The following PLPP4 variants were observed in gnomAD, a reference collection of about 807,000 sequenced individuals.
The protein encoded by PLPP4 is phospholipid phosphatase 4, also known as diacylglycerol pyrophosphate like 2.
In PLPP4, 20 loss-of-function variants were observed where a neutral mutation model predicts 32.2. That is an observed-to-expected ratio of 0.62 (90% CI 0.44 to 0.90). The LOEUF is 0.90. PLPP4 is among the 40% of genes least tolerant of loss of function. PLPP4 has a pLI of 0.00. For missense variants in PLPP4, 257 were observed against 353.1 expected, an observed-to-expected ratio of 0.73 and a Z score of 2.18; for synonymous variants, 127 against 133.0, an observed-to-expected ratio of 0.95 and a Z score of 0.31.
At chr10:120,491,831 CCAA>C (rs1384739525) in intron 1 of PLPP4, among the ~76,000 whole-genome samples, 1 of 135,702 alleles carries the variant, frequency 7.4e-6, no homozygotes, top group East Asian at 2.0e-4. Context: ...ACAACAAAAC[CCAA>C]CAACAACAAA....
chr10:120,572,309 A>G (rs1848981036), intron 5 of PLPP4, among the ~76,000 whole-genome samples: 1 of 152,268 alleles, frequency 6.6e-6, no homozygotes, highest in African/African-American at 2.4e-5. Context: ...CATTTGCCCA[A>G]CAGTGGAGGG....
intron 5 of PLPP4, among the ~76,000 whole-genome samples, chr10:120,537,169 T>C (rs1006063891): frequency 3.9e-5 from 6 of 152,154 alleles, no homozygotes; most frequent in Admixed American, 2.0e-4. Flanking sequence ...TACCGTATGA[T>C]CAAGCAATCT....
intron 2 of PLPP4, among the ~76,000 whole-genome samples, chr10:120,508,151 C>G (rs1845582458): frequency 6.6e-6 from 1 of 152,090 alleles, no homozygotes; most frequent in African/African-American, 2.4e-5. Flanking sequence ...GGATAGGATG[C>G]TTCTAAGGAA....
intron 5 of PLPP4, among the ~76,000 whole-genome samples, chr10:120,556,234 C>T (rs372300708): frequency 6.6e-6 from 1 of 152,196 alleles, no homozygotes; most frequent in African/African-American, 2.4e-5. Flanking sequence ...CTGGAAGTAA[C>T]TTTTGATCAC....
intron 5 of PLPP4, among the ~76,000 whole-genome samples, chr10:120,536,483 AC>A (rs1847024466): frequency 6.6e-6 from 1 of 152,074 alleles, no homozygotes; most frequent in African/African-American, 2.4e-5. Context: ...TTGGATATCC[AC>A]GTGCAAAAAC....
At chr10:120,566,447 T>A (rs1848694232) in intron 5 of PLPP4, among the ~76,000 whole-genome samples, 1 of 152,160 alleles carries the variant, frequency 6.6e-6, no homozygotes, top group Non-Finnish European at 1.5e-5. Context: ...AGAGTTGGCT[T>A]GTAGTTCTAA....
chr10:120,511,728 A>G (rs1030049830), intron 2 of PLPP4, among the ~76,000 whole-genome samples: 2 of 152,218 alleles, frequency 1.3e-5, no homozygotes, highest in African/African-American at 4.8e-5. Context: ...TAAGCACTAA[A>G]TGCATGAGAC....
chr10:120,580,218 T>C (rs1305919175), intron 6 of PLPP4, among the ~76,000 whole-genome samples: 2 of 150,256 alleles, frequency 1.3e-5, no homozygotes, highest in African/African-American at 2.5e-5. Context: ...GATTAAAATA[T>C]AGGGTTTCTC....
intron 1 of PLPP4, among the ~76,000 whole-genome samples, chr10:120,497,895 C>T (rs1166982758): frequency 6.6e-6 from 1 of 152,028 alleles, no homozygotes; most frequent in Non-Finnish European, 1.5e-5. Flanking sequence ...AAAAAATTAG[C>T]CAGGCGTGGT....
intron 6 of PLPP4, among the ~76,000 whole-genome samples, chr10:120,576,690 G>A (rs1195914485): frequency 6.6e-6 from 1 of 152,222 alleles, no homozygotes; most frequent in Non-Finnish European, 1.5e-5. Flanking sequence ...GTGCTACTAA[G>A]GTCTGAGGCC....
At chr10:120,503,217 T>C (rs1845345502) in intron 1 of PLPP4, among the ~76,000 whole-genome samples, 1 of 152,196 alleles carries the variant, frequency 6.6e-6, no homozygotes, top group Non-Finnish European at 1.5e-5. Flanking sequence ...ATGACTTGGC[T>C]TCTTTTGCCC....
intron 1 of PLPP4, among the ~76,000 whole-genome samples, chr10:120,471,188 T>G (rs940011978): frequency 3.3e-5 from 5 of 152,178 alleles, no homozygotes; most frequent in African/African-American, 1.2e-4. Flanking sequence ...TTTGTCTTTT[T>G]AATTTGAAGG....
chr10:120,473,678 TGAATCATG>T (rs1319729696), intron 1 of PLPP4, among the ~76,000 whole-genome samples: 1 of 152,212 alleles, frequency 6.6e-6, no homozygotes, highest in Non-Finnish European at 1.5e-5. Context: ...TGGAGGTAAC[TGAATCATG>T]GGGTGAGACT....
chr10:120,530,132 A>G (rs1846633102), intron 5 of PLPP4, among the ~76,000 whole-genome samples: 1 of 152,238 alleles, frequency 6.6e-6, no homozygotes, highest in East Asian at 1.9e-4. Context: ...GATGATTCTT[A>G]AAGTTATTTT....
chr10:120,515,945 G>A (rs1008221610), intron 3 of PLPP4, among the ~76,000 whole-genome samples: 1 of 152,196 alleles, frequency 6.6e-6, no homozygotes, highest in Non-Finnish European at 1.5e-5. Context: ...GCTCACAGTT[G>A]CCTTCTCCAG....
Position 120,518,878 on chromosome 10 carries a change from T to C in PLPP4, c.302T>C (p.Ile101Thr), listed in dbSNP as rs1267973253. The change falls in exon 4 of 7, where the codon ATT becomes ACT. Residue 101 changes from isoleucine to threonine, a missense_variant. Coordinates refer to ENST00000398250, the MANE Select transcript of PLPP4 (RefSeq NM_001030059.3). ...TTGAATGGAGTCTGCACAAACACTA[T>C]TAAATTAATAGTGGGAAGGTAAGTT... is the stretch of plus-strand genomic sequence containing the variant. ...LALNGVCTNT[I>T]KLIVGRPRPD... 6.2e-7 allele frequency: 1 copy of C among 1,611,938 alleles called. No individual in the cohort carries two copies. Among genetic ancestry groups the C allele is most frequent in the Admixed American group, 1.7e-5 (1 of 59,860 alleles).
chr10:120,574,459 A>T (rs1849116274), intron 5 of PLPP4, among the ~76,000 whole-genome samples: 1 of 152,148 alleles, frequency 6.6e-6, no homozygotes, highest in African/African-American at 2.4e-5. Context: ...TCGACAATGG[A>T]TTTAGCACAG....
Position 120,521,112 on chromosome 10 carries a change from G to A in PLPP4, c.445+17G>A. 6.2e-7 allele frequency: 1 copy of A among 1,613,580 alleles called. No individual in the cohort carries two copies. Among genetic ancestry groups the A allele is most frequent in the South Asian group, 1.1e-5 (1 of 90,992 alleles). ...ATTCCTCCTGTAAGTTCATGGCTGG[G>A]ATTCTCTTAATGCCCCCAGTCATGT... is the stretch of plus-strand genomic sequence containing the variant. On this transcript the variant is annotated intron_variant, in intron 5 of 6. Coordinates refer to ENST00000398250, the MANE Select transcript of PLPP4 (RefSeq NM_001030059.3).
intron 1 of PLPP4, among the ~76,000 whole-genome samples, chr10:120,499,426 T>G (rs1845131261): frequency 6.6e-6 from 1 of 151,548 alleles, no homozygotes; most frequent in Non-Finnish European, 1.5e-5. Flanking sequence ...TTTTTTTAAA[T>G]GGCAACAACC....
Sources: allele counts gnomAD v4.1 joint callset (sites outside exome capture counted in the v4.1 genomes callset), GRCh38; gene constraint gnomAD v4.1.1; transcripts MANE v1.5; gene names NCBI Gene and HGNC (gene_info 2026-07-23, HGNC 2026-07-21).